The following LMO1 variants were observed in gnomAD, a reference collection of about 807,000 sequenced individuals.
LMO1 encodes rhombotin-1.
Under a neutral mutation model 18.0 loss-of-function variants are expected in LMO1, and 10 were observed. The observed-to-expected ratio is 0.55, with a 90% CI of 0.34 to 0.94. The LOEUF is 0.94. Among genes scored for constraint, LMO1 ranks in the 40% least tolerant of loss-of-function variants. The pLI, the probability that LMO1 is intolerant of heterozygous loss-of-function variation, is 0.02. For synonymous variants in LMO1, 77 were observed against 77.9 expected (o/e 0.99, Z 0.06); for missense variants, 183 against 205.7 (o/e 0.89, Z 0.68).
upstream of LMO1, among the ~76,000 whole-genome samples, chr11:8,267,833 T>G (rs930366385): frequency 1.2e-4 from 18 of 152,194 alleles, no homozygotes; most frequent in Admixed American, 5.2e-4. Flanking sequence ...CCAGGCTGGG[T>G]GAACTGATGG....
At chr11:8,264,005 T>C (rs888188856), upstream of LMO1, 3 of 313,382 alleles carry the variant, frequency 9.6e-6, no homozygotes, top group Non-Finnish European at 1.5e-5. Flanking sequence ...TTCTAGGTCC[T>C]AGCTCGGTGA....
intron 1 of LMO1, among the ~76,000 whole-genome samples, chr11:8,245,454 A>G (rs1038012949): frequency 2.6e-5 from 4 of 152,174 alleles, no homozygotes; most frequent in Non-Finnish European, 5.9e-5. Flanking sequence ...TACCTAAAGC[A>G]AGCAGAAGTC....
At chr11:8,237,563 G>A (rs763061424) in intron 1 of LMO1, among the ~76,000 whole-genome samples, 1 of 152,236 alleles carries the variant, frequency 6.6e-6, no homozygotes, top group Non-Finnish European at 1.5e-5. Flanking sequence ...CTGTTGAAAC[G>A]CGCGGCTACA....
At chr11:8,225,657 T>G (rs1370025087) in intron 3 of LMO1, among the ~76,000 whole-genome samples, 1 of 152,156 alleles carries the variant, frequency 6.6e-6, no homozygotes, top group Non-Finnish European at 1.5e-5. Context: ...TAAGGGAAGA[T>G]TCCGGTCCTT....
chr11:8,246,617 C>T (rs1414847942), intron 1 of LMO1, among the ~76,000 whole-genome samples: 2 of 152,144 alleles, frequency 1.3e-5, no homozygotes, highest in Non-Finnish European at 2.9e-5. Flanking sequence ...GTGATGACTG[C>T]ATAACTCTGT....
chr11:8,268,395 C>A, upstream of LMO1: 1 of 1,466,370 alleles, frequency 6.8e-7, no homozygotes, highest in Non-Finnish European at 9.0e-7. Flanking sequence ...CCGCGTGCCC[C>A]CGGGCACCGG....
chr11:8,268,271 C>G (rs1847281148), upstream of LMO1, among the ~76,000 whole-genome samples: 1 of 152,182 alleles, frequency 6.6e-6, no homozygotes, highest in Non-Finnish European at 1.5e-5. Context: ...CATCAGCCGC[C>G]GCGCTTCCGG....
chr11:8,226,184 T>C (rs138420580), intron 3 of LMO1, among the ~76,000 whole-genome samples: 19 of 152,218 alleles, frequency 1.2e-4, no homozygotes, highest in African/African-American at 4.3e-4. Flanking sequence ...CGTTATCCCA[T>C]GCACATGCAC....
chr11:8,245,920 G>A (rs770329166), intron 1 of LMO1, among the ~76,000 whole-genome samples: 6 of 152,140 alleles, frequency 3.9e-5, no homozygotes, highest in Non-Finnish European at 8.8e-5. Context: ...GACAGAAGAG[G>A]AAGGGGAAAA....
intron 1 of LMO1, among the ~76,000 whole-genome samples, chr11:8,231,491 C>T (rs2134526581): frequency 6.6e-6 from 1 of 152,360 alleles, no homozygotes; most frequent in Non-Finnish European, 1.5e-5. Context: ...GTCCAGTAGC[C>T]TGGACATCCA....
chr11:8,258,991 G>A (rs1847142754), intron 1 of LMO1, among the ~76,000 whole-genome samples: 1 of 152,328 alleles, frequency 6.6e-6, no homozygotes, highest in Middle Eastern at 3.4e-3. Context: ...AGTTAATGCA[G>A]TATTGACTGC....
chr11:8,252,109 G>A (rs1160086505), intron 1 of LMO1, among the ~76,000 whole-genome samples: 2 of 152,088 alleles, frequency 1.3e-5, no homozygotes, highest in African/African-American at 2.4e-5. Flanking sequence ...TGTCTTTACC[G>A]CCACCTCCCC....
chr11:8,230,532 C>A lies in LMO1; in HGVS notation c.26-28G>T, dbSNP rs371006690. ...GCAGACGGACAGACAGACAGCAACG[C>A]AGGATGGGCCCCGTAGCTCTGGGCC... On this transcript the variant is annotated intron_variant, in intron 1 of 3. Transcript: ENST00000335790. 1.1e-5 allele frequency: 17 copies of A among 1,599,676 alleles called. No individual in the cohort carries two copies. The South Asian group carries it at 1.1e-4, about 10-fold the overall frequency.
chr11:8,257,718 A>C (rs569560780), intron 1 of LMO1, among the ~76,000 whole-genome samples: 2 of 152,302 alleles, frequency 1.3e-5, no homozygotes, highest in Admixed American at 1.3e-4. Flanking sequence ...ACCTCTTCCC[A>C]AGGTGCCACC....
intron 1 of LMO1, among the ~76,000 whole-genome samples, chr11:8,246,646 TA>T (rs1270000094): frequency 6.6e-6 from 1 of 152,252 alleles, no homozygotes; most frequent in Non-Finnish European, 1.5e-5. Context: ...CAAAAACCAC[TA>T]AAGTATCTAT....
intron 1 of LMO1, among the ~76,000 whole-genome samples, chr11:8,239,559 C>T (rs1590539782): frequency 6.6e-6 from 1 of 151,948 alleles, no homozygotes; most frequent in Admixed American, 6.6e-5. Context: ...CAGGAGGAGG[C>T]TGGGCTGGGG....
rs1015857921 is a variant in LMO1, at chr11:8,242,554, C to T, written c.26-12050G>A. 2.0e-5 allele frequency among the ~76,000 whole-genome samples: 3 copies of T among 152,204 alleles called. No homozygotes were observed. In the South Asian group the frequency reaches 6.2e-4, roughly 32 times the overall value. ...TTTCTCAGTCTGTAGCTTCCACCAA[C>T]CCCCATCCCATCCTGGGCTGCTGGA... is the stretch of plus-strand genomic sequence containing the variant. On this transcript the variant is annotated intron_variant, in intron 1 of 3. Transcript: ENST00000335790.
intron 1 of LMO1, among the ~76,000 whole-genome samples, chr11:8,244,594 C>T (rs1298213297): frequency 6.6e-6 from 1 of 152,262 alleles, no homozygotes; most frequent in Non-Finnish European, 1.5e-5. Context: ...TTATGTTCTA[C>T]TTCCCTAAGT....
chr11:8,241,182 A>G (rs1253302945), intron 1 of LMO1, among the ~76,000 whole-genome samples: 2 of 151,956 alleles, frequency 1.3e-5, no homozygotes, highest in East Asian at 3.9e-4. Context: ...TCCCTCCCAC[A>G]CTATCATCCA....
Sources: allele counts gnomAD v4.1 joint callset (sites outside exome capture counted in the v4.1 genomes callset), GRCh38; gene constraint gnomAD v4.1.1; transcripts MANE v1.5; gene names NCBI Gene and HGNC (gene_info 2026-07-23, HGNC 2026-07-21).